AGAP6: variants seen among roughly 807,000 people sequenced by gnomAD.
The protein encoded by AGAP6 is ArfGAP with GTPase domain, ankyrin repeat and PH domain 6, also known as arf-GAP with GTPase, ANK repeat and PH domain-containing protein 6.
AGAP6 carries 29 observed loss-of-function variants against 63.9 expected under a neutral mutation model. The ratio of observed to expected loss-of-function variants is 0.45; its 90% confidence interval spans 0.34 to 0.62. AGAP6 has a LOEUF of 0.62. AGAP6 is among the 20% of genes least tolerant of loss of function. The pLI, the probability that AGAP6 is intolerant of heterozygous loss-of-function variation, is 0.01. For synonymous variants in AGAP6, 199 were observed against 332.9 expected, an observed-to-expected ratio of 0.60 and a Z score of 4.38; for missense variants, 493 against 884.9, an observed-to-expected ratio of 0.56 and a Z score of 5.62.
At chr10:49,997,848 A>G (rs555512120) in intron 4 of AGAP6, among the ~76,000 whole-genome samples, 4,628 of 144,958 alleles carry the variant, frequency 0.032, 247 homozygotes, top group African/African-American at 0.11. Flanking sequence ...GCATCCTCAT[A>G]GCTCAGCTCC....
At chr10:49,990,798 A>G (rs1276944325) in intron 2 of AGAP6, among the ~76,000 whole-genome samples, 3 of 152,228 alleles carry the variant, frequency 2.0e-5, no homozygotes, top group Admixed American at 6.5e-5. Flanking sequence ...AAGACTCATT[A>G]TGAGTGTGAC....
intron 6 of AGAP6, among the ~76,000 whole-genome samples, chr10:50,006,443 T>C (rs1420593364): frequency 8.5e-5 from 13 of 152,204 alleles, no homozygotes; most frequent in Admixed American, 2.6e-4. Flanking sequence ...CTCTGTCACT[T>C]GGCTGGAGTG....
chr10:50,009,037 C>G lies in AGAP6; in HGVS notation c.912C>G (p.Tyr304Ter). Residue 304 changes from tyrosine (Y) to a stop codon, truncating the protein, a stop_gained, in exon 8 of 8, where the codon TAC (tyrosine) becomes TAG (stop). Coordinates refer to ENST00000412531, the MANE Select transcript of AGAP6 (RefSeq NM_001077665.3). LOFTEE classifies it high-confidence loss of function. ...GKWLKTWKKK[Y>*]VTLCSNGMLT... ...GGCTGAAGACATGGAAAAAGAAATA[C>G]GTCACCCTGTGTTCCAATGGCATGC... is the stretch of plus-strand genomic sequence containing the variant. 1 of 1,613,660 alleles carries G rather than the reference C, an allele frequency of 6.2e-7. No individual in the cohort carries two copies. The highest frequency in any genetic ancestry group is 8.5e-7 in the Non-Finnish European group (1 of 1,179,862).
intron 3 of AGAP6, among the ~76,000 whole-genome samples, chr10:49,992,762 CTT>C (rs1309392430): frequency 2.1e-5 from 3 of 145,274 alleles, no homozygotes; most frequent in Admixed American, 6.9e-5. Context: ...AGGTACCACA[CTT>C]TTTTTTTTTT....
At chr10:49,993,777 G>A (rs1235615093) in intron 3 of AGAP6, among the ~76,000 whole-genome samples, 13 of 144,460 alleles carry the variant, frequency 9.0e-5, no homozygotes, top group East Asian at 2.0e-4. Flanking sequence ...CTGAGATCCC[G>A]CCACTGCACT....
In AGAP6 at chr10:49,998,743, C is replaced by A. The variant is rs1286471979; in HGVS notation, c.397-3253C>A. ...AATTTCAGGATTGTTTTTTCTAGTT[C>A]TGTGAAGAAGGATGGTGTTATTTTG... On this transcript the variant is annotated intron_variant, in intron 4 of 7. Coordinates refer to ENST00000412531, the MANE Select transcript of AGAP6 (RefSeq NM_001077665.3). 3.5e-5 allele frequency among the ~76,000 whole-genome samples: 5 copies of A among 141,592 alleles called. 1 individual carries two copies. The highest frequency in any genetic ancestry group is 1.3e-4 in the African/African-American group (5 of 37,126). The allele number at this position is 141,592 out of a possible 152,430, so 92.9% of individuals were successfully genotyped here.
rs1273375648 is a variant in AGAP6, at chr10:49,992,729, G to A, written c.361+985G>A. ...GCAGGTGGTTCCACACGGTGAAAGA[G>A]GGAGGAGAGAGGGGAAGGGGGAAGG... On this transcript the variant is annotated intron_variant, in intron 3 of 7. Coordinates refer to ENST00000412531, the MANE Select transcript of AGAP6 (RefSeq NM_001077665.3). 2.0e-5 allele frequency among the ~76,000 whole-genome samples: 3 copies of A among 152,102 alleles called. No homozygotes were observed. In the South Asian group the frequency reaches 6.2e-4, roughly 32 times the overall value.
chr10:49,999,543 G>A lies in AGAP6; in HGVS notation c.397-2453G>A, dbSNP rs1395124658. Reference sequence around the variant, plus strand: ...GGGAAAAGTTGAAAGCATTCCCCCCGAGAACTGGAACAAGACAAGGATGCC... The same window carrying A: ...GGGAAAAGTTGAAAGCATTCCCCCCAAGAACTGGAACAAGACAAGGATGCC... On this transcript the variant is annotated intron_variant, in intron 4 of 7. Transcript: ENST00000412531. Among the ~76,000 whole-genome samples the A allele has an allele frequency of 3.8e-5, 5 of 130,386 alleles. 1 individual carries two copies. Among genetic ancestry groups the A allele is most frequent in the East Asian group, 5.1e-4 (2 of 3,886 alleles). The allele number at this position is 130,386 out of a possible 152,430, so 85.5% of individuals were successfully genotyped here. A position where few individuals can be genotyped will look rare whatever the true frequency, so the allele number is the denominator to read the frequency against.
chr10:50,007,827 A>G (rs1841966916), intron 6 of AGAP6, among the ~76,000 whole-genome samples, 198 bp from the exon 7 acceptor site: 1 of 152,154 alleles, frequency 6.6e-6, no homozygotes, highest in Non-Finnish European at 1.5e-5. Flanking sequence ...CATATAAAAG[A>G]CTTCACGATA....
intron 2 of AGAP6, among the ~76,000 whole-genome samples, chr10:49,990,328 C>G (rs1358670829): frequency 1.3e-5 from 2 of 152,060 alleles, no homozygotes; most frequent in African/African-American, 4.8e-5. Context: ...GACTGTAGTT[C>G]CAGCTACTCA....
intron 2 of AGAP6, among the ~76,000 whole-genome samples, chr10:49,990,326 T>G (rs1841220061): frequency 6.6e-6 from 1 of 151,928 alleles, no homozygotes; most frequent in South Asian, 2.1e-4. Context: ...ATGACTGTAG[T>G]TCCAGCTACT....
chr10:49,994,004 A>C (rs1554861564), intron 3 of AGAP6, among the ~76,000 whole-genome samples: 1 of 152,142 alleles, frequency 6.6e-6, no homozygotes, highest in Non-Finnish European at 1.5e-5. Flanking sequence ...TAGAGCTGTT[A>C]GCTCTTAGAG....
At chr10:50,003,953 T>A (rs1841805384) in intron 5 of AGAP6, among the ~76,000 whole-genome samples, 2 of 152,362 alleles carry the variant, frequency 1.3e-5, no homozygotes, top group South Asian at 2.1e-4. Flanking sequence ...ACAGGCTTTT[T>A]AAAAAGTGCT....
At chr10:49,994,922 A>G (rs1841427529) in intron 4 of AGAP6, among the ~76,000 whole-genome samples, 1 of 148,250 alleles carries the variant, frequency 6.7e-6, no homozygotes, top group South Asian at 2.2e-4. Context: ...AGATCGCGCC[A>G]TTGCACTCCA....
chr10:49,998,545 G>T, intron 4 of AGAP6, among the ~76,000 whole-genome samples: 1 of 115,926 alleles, frequency 8.6e-6, no homozygotes, highest in African/African-American at 3.4e-5. Flanking sequence ...GTTTATTTCT[G>T]GGTTCTCTAT....
chr10:50,006,463 G>A (rs1554863919), intron 6 of AGAP6, among the ~76,000 whole-genome samples: 1 of 152,208 alleles, frequency 6.6e-6, no homozygotes, highest in African/African-American at 2.4e-5. Flanking sequence ...GCATTGGCAT[G>A]ATCTCAGCTC....
At chr10:50,004,482 G>A (rs1402070536) in intron 5 of AGAP6, among the ~76,000 whole-genome samples, 2 of 147,718 alleles carry the variant, frequency 1.4e-5, no homozygotes, top group Admixed American at 6.8e-5. Context: ...GTCTTCTAAC[G>A]GCATATTTCC....
Position 49,998,980 on chromosome 10 carries a change from G to A in AGAP6, c.397-3016G>A, listed in dbSNP as rs1354925372. On this transcript the variant is annotated intron_variant, in intron 4 of 7. Coordinates refer to ENST00000412531, the MANE Select transcript of AGAP6 (RefSeq NM_001077665.3). The stretch of plus-strand genomic sequence containing the variant: ...TGTAATCCCAGCACTTTGGGAGGCT[G>A]AGGGAGACGGATCATGAGGTCAGGA... Among the ~76,000 whole-genome samples the A allele has an allele frequency of 9.9e-5, 14 of 141,788 alleles. 2 individuals are homozygous for A. The highest frequency in any genetic ancestry group is 2.7e-5 in the African/African-American group (1 of 37,008). 93.0% of individuals were successfully genotyped at this position (141,788 alleles called of 152,430 possible).
At chr10:50,007,797 G>A (rs1379915308) in intron 6 of AGAP6, among the ~76,000 whole-genome samples, 1 of 151,968 alleles carries the variant, frequency 6.6e-6, no homozygotes, top group Non-Finnish European at 1.5e-5. Flanking sequence ...CAATACTCAC[G>A]GGCATTTCTG....
Sources: allele counts gnomAD v4.1 joint callset (sites outside exome capture counted in the v4.1 genomes callset), GRCh38; gene constraint gnomAD v4.1.1; transcripts MANE v1.5; gene names NCBI Gene and HGNC (gene_info 2026-07-23, HGNC 2026-07-21).